SCNN1B: variants seen among roughly 807,000 people sequenced by gnomAD.
SCNN1B encodes the protein epithelial sodium channel subunit beta.
In SCNN1B, 46 loss-of-function variants were observed where a neutral mutation model predicts 65.3. That is an observed-to-expected ratio of 0.70 (90% CI 0.56 to 0.90). The LOEUF is 0.90. Ranked by LOEUF, SCNN1B falls within the 40% of genes least tolerant of loss-of-function variation. The pLI is 0.00. For synonymous variants in SCNN1B, 349 were observed against 330.6 expected (o/e 1.06, Z -0.60); for missense variants, 751 against 830.5 (o/e 0.90, Z 1.18).
At chr16:23,291,626 A>G in intron 2 of SCNN1B, among the ~76,000 whole-genome samples, 1 of 151,016 alleles carries the variant, frequency 6.6e-6, no homozygotes, top group South Asian at 2.1e-4. Flanking sequence ...CCAGGCTGGA[A>G]TGTAGTGGTG....
chr16:23,332,606 C>T (rs1253740980), intron 1 of SCNN1B, among the ~76,000 whole-genome samples: 1 of 152,082 alleles, frequency 6.6e-6, no homozygotes, highest in East Asian at 1.9e-4. Context: ...GCTGGAATTA[C>T]AGGCATGAGC....
At chr16:23,358,509 T>C (rs1962465443) in intron 4 of SCNN1B, 1 of 152,228 alleles carries the variant, frequency 6.6e-6, no homozygotes, top group African/African-American at 2.4e-5. Context: ...CTACCCTACA[T>C]GGTTACTTTG....
chr16:23,304,053 G>A lies in SCNN1B; in HGVS notation c.-9+1616G>A, dbSNP rs74012867. The A allele has an allele frequency of 6.8e-4, 1,043 of 1,535,398 alleles. 5 individuals are homozygous for A. In the African/African-American group the frequency reaches 0.012, roughly 17 times the overall value. ...TATTTAAACTGCTGCATGGATTCCC[G>A]CCGTGGATAATGCCTACCGATGGGA... On this transcript the variant is annotated intron_variant, in intron 1 of 12. Coordinates refer to ENST00000343070, the MANE Select transcript of SCNN1B (RefSeq NM_000336.3).
intron 1 of SCNN1B, among the ~76,000 whole-genome samples, chr16:23,312,077 A>G (rs1961356629): frequency 6.6e-6 from 1 of 151,978 alleles, no homozygotes; most frequent in African/African-American, 2.4e-5. Context: ...GGACCAGGGG[A>G]GTTCTGGTTT....
intron 3 of SCNN1B, 57 bp from the exon 4 acceptor site, chr16:23,355,241 CT>C: frequency 1.3e-6 from 2 of 1,562,712 alleles, no homozygotes; most frequent in Middle Eastern, 1.7e-4. Context: ...CGAGCAGTGG[CT>C]GGGGTCCTGC....
At chr16:23,361,092 C>T (rs118132852) in intron 4 of SCNN1B, among the ~76,000 whole-genome samples, 9,407 of 152,118 alleles carry the variant, frequency 0.062, 371 homozygotes, top group South Asian at 0.2. Flanking sequence ...CTGTGCCCAG[C>T]GTAAATTTTG....
At chr16:23,358,251 T>G (rs748273821) in intron 4 of SCNN1B, 3 of 152,100 alleles carry the variant, frequency 2.0e-5, no homozygotes, top group Non-Finnish European at 2.9e-5. Flanking sequence ...TAAAGAACTG[T>G]TAGCAGAAAC....
At chr16:23,363,890 A>G (rs1376038123) in intron 4 of SCNN1B, among the ~76,000 whole-genome samples, 1 of 152,028 alleles carries the variant, frequency 6.6e-6, no homozygotes, top group African/African-American at 2.4e-5. Flanking sequence ...TTGAAGGGCC[A>G]GGTGCAGTGA....
intron 1 of SCNN1B, among the ~76,000 whole-genome samples, chr16:23,279,590 G>A (rs1334959388): frequency 2.6e-5 from 4 of 152,162 alleles, no homozygotes; most frequent in Non-Finnish European, 5.9e-5. Flanking sequence ...GGAGTCCTCC[G>A]CATATAGCTT....
intron 1 of SCNN1B, chr16:23,304,196 A>G: frequency 5.1e-6 from 5 of 981,336 alleles, no homozygotes; most frequent in Non-Finnish European, 7.7e-6. Context: ...CAGGATCTGA[A>G]TTTAGGGGAT....
intron 4 of SCNN1B, among the ~76,000 whole-genome samples, chr16:23,357,498 G>T (rs60866571): frequency 0.048 from 7,302 of 152,264 alleles, 587 homozygotes; most frequent in African/African-American, 0.16. Flanking sequence ...AAGGAGAATC[G>T]CTTGAACCCC....
At chr16:23,294,562 C>G (rs986869308) in intron 2 of SCNN1B, among the ~76,000 whole-genome samples, 2 of 151,812 alleles carry the variant, frequency 1.3e-5, no homozygotes, top group African/African-American at 2.4e-5. Context: ...ACACACCCAG[C>G]ACACACCCCA....
rs540651162 is a variant in SCNN1B at position 23,371,166 on chromosome 16, G to A, written c.881-133G>A. 149 of 939,282 alleles carry A rather than the reference G, an allele frequency of 1.6e-4. 2 individuals are homozygous for A. In the South Asian group the frequency reaches 1.8e-3, roughly 11 times the overall value. 58.2% of individuals were successfully genotyped at this position (939,282 alleles called of 1,614,324 possible). A position where few individuals can be genotyped will look rare whatever the true frequency, so the allele number is the denominator to read the frequency against. ...AGCAGTATTTGAGGACTGAGTTTTT[G>A]CAAAGTGGAGCCAGCCTCCTTGGCG... On this transcript the variant is annotated intron_variant, in intron 5 of 12. Coordinates refer to ENST00000343070, the MANE Select transcript of SCNN1B (RefSeq NM_000336.3).
rs113813241 is a variant in SCNN1B, at chr16:23,311,078, G to A, written c.-9+8641G>A. ...ACTTTGAGGGCGGTTCGGCAAACAT[G>A]TCAATGCTGAAGATGCACATACCCT... On this transcript the variant is annotated intron_variant, in intron 1 of 12. Coordinates refer to ENST00000343070, the MANE Select transcript of SCNN1B (RefSeq NM_000336.3). Among the ~76,000 whole-genome samples, 405 of 152,372 alleles carry A rather than the reference G, an allele frequency of 2.7e-3. 3 individuals are homozygous for A. Among genetic ancestry groups the A allele is most frequent in the African/African-American group, 9.3e-3 (388 of 41,578 alleles).
At chr16:23,286,397 T>C (rs1960851453) in intron 2 of SCNN1B, among the ~76,000 whole-genome samples, 2 of 152,168 alleles carry the variant, frequency 1.3e-5, no homozygotes. Context: ...ATAGAGAACT[T>C]ACTGGTTCTG....
At chr16:23,330,826 T>A (rs779719581) in intron 1 of SCNN1B, among the ~76,000 whole-genome samples, 1 of 152,060 alleles carries the variant, frequency 6.6e-6, no homozygotes, top group East Asian at 1.9e-4. Flanking sequence ...TGCTGCAGCC[T>A]CCCAAGTGGC....
rs1367317261 is a variant in SCNN1B at position 23,295,650 on chromosome 16, C to T, written n.178+11846C>T. Among the ~76,000 whole-genome samples the T allele has an allele frequency of 2.6e-5, 4 of 152,264 alleles. 1 individual carries two copies. The South Asian group carries it at 8.3e-4, about 32-fold the overall frequency. ...TATAGGCATAAGCCACTGCACCCAG[C>T]CCTGGCCTTACTTCATTCTTTTTTA... On this transcript the variant is annotated intron_variant and non_coding_transcript_variant, in intron 2 of 3. Coordinates refer to the SCNN1B transcript ENST00000569789.
chr16:23,336,675 G>T (rs1436935908), intron 1 of SCNN1B, among the ~76,000 whole-genome samples: 1 of 152,024 alleles, frequency 6.6e-6, no homozygotes, highest in African/African-American at 2.4e-5. Flanking sequence ...TGGCCAAGAT[G>T]ATTTTTTTTT....
intron 1 of SCNN1B, among the ~76,000 whole-genome samples, chr16:23,334,491 T>C (rs944536414): frequency 6.6e-6 from 1 of 151,898 alleles, no homozygotes; most frequent in African/African-American, 2.4e-5. Context: ...GGGACAGGGG[T>C]GCTCCAGCCG....
Sources: gnomAD v4.1 joint callset for allele counts (sites outside exome capture counted in the v4.1 genomes callset) on GRCh38, gnomAD v4.1.1 for gene constraint, MANE v1.5 for transcripts, NCBI Gene and HGNC (gene_info 2026-07-23, HGNC 2026-07-21) for gene names.